The following OR10A3 variants were observed in gnomAD, a reference collection of about 807,000 sequenced individuals.
The protein encoded by OR10A3 is olfactory receptor 10A3.
A neutral mutation model predicts 1.5 loss-of-function variants in OR10A3; 1 was observed. The observed-to-expected ratio is 0.66, with a 90% CI of 0.23 to 3.11. The LOEUF is 3.11. Ranked by LOEUF, OR10A3 falls within the 30% of genes most tolerant of loss-of-function variation. OR10A3 has a pLI of 0.21. For synonymous variants in OR10A3, 145 were observed against 143.7 expected (o/e 1.01, Z -0.06); for missense variants, 398 against 369.7 (o/e 1.08, Z -0.63).
rs1244334380 is a variant in OR10A3 at position 7,938,956 on chromosome 11, A to G, written c.565T>C (p.Cys189Arg). 2 of 1,614,200 alleles carry G rather than the reference A, an allele frequency of 1.2e-6. No homozygotes were observed. The highest frequency in any genetic ancestry group is 1.7e-6 in the Non-Finnish European group (2 of 1,180,020). ...ATTTCAAATAAGAAGGTGTCTGCAC[A>G]CACAAGCTCTAGTACCGGGGGAGTC... ...CETPPVLELV[C>R]ADTFLFEIYA... is the part of the protein sequence containing the mutation. Residue 189 changes from cysteine to arginine, a missense_variant, in exon 2 of 2, where the codon TGT (cysteine) becomes CGT (arginine). By Grantham distance (180) the Cys-to-Arg change is radical. Transcript: ENST00000642047.
Position 7,939,314 on chromosome 11 carries a change from C to T in OR10A3, c.207G>A (p.Val69=). The change falls in exon 2 of 2, where the codon GTG becomes GTA. Residue 69 remains valine (V), a synonymous_variant. Transcript: ENST00000642047. The stretch of plus-strand genomic sequence containing the variant: ...TAATGACTGCACTGAAACTCACCTC[C>T]ACCACAGATAGGTTCAGGAGGAACA... ...MYLFLLNLSV[V]EVSFSAVITP... 6 of 1,614,068 alleles carry T rather than the reference C, an allele frequency of 3.7e-6. No individual in the cohort carries two copies. Among genetic ancestry groups the T allele is most frequent in the Non-Finnish European group, 4.2e-6 (5 of 1,179,968 alleles).
Position 7,939,589 on chromosome 11 carries a change from C to G in OR10A3, c.-69G>C. 1 of 1,229,108 alleles carries G rather than the reference C, an allele frequency of 8.1e-7. No individual in the cohort carries two copies. The highest frequency in any genetic ancestry group is 1.1e-6 in the Non-Finnish European group (1 of 890,424). The allele number at this position is 1,229,108 out of a possible 1,614,324, so 76.1% of individuals were successfully genotyped here. A position where few individuals can be genotyped will look rare whatever the true frequency, so the allele number is the denominator to read the frequency against. On this transcript the variant is annotated 5_prime_UTR_variant, in exon 2 of 2. Coordinates refer to ENST00000642047, the MANE Select transcript of OR10A3 (RefSeq NM_001003745.2). ...CGAGTATGAAGTCGTAATCCCATAG[C>G]TGTGAGTTCAAGTCTGGAATTCTTG...
intron 1 of OR10A3, 94 bp from the exon 2 acceptor site, chr11:7,939,792 T>C (rs1050793369): frequency 1.9e-5 from 7 of 377,412 alleles, no homozygotes; most frequent in Non-Finnish European, 1.9e-5. Flanking sequence ...GCAACATCTT[T>C]GTTTTGTAGG....
Position 7,939,541 on chromosome 11 carries a change from T to G in OR10A3, c.-21A>C. Reference sequence around the variant, plus strand: ...TTCATTTCAGTAGTTGAAACTTATATTGTTTTTATGGACCTGGTATATCGA... The same window carrying G: ...TTCATTTCAGTAGTTGAAACTTATAGTGTTTTTATGGACCTGGTATATCGA... On this transcript the variant is annotated 5_prime_UTR_variant, in exon 2 of 2. Transcript: ENST00000642047. 6.6e-7 allele frequency: 1 copy of G among 1,520,910 alleles called. No individual in the cohort carries two copies. The highest frequency in any genetic ancestry group is 1.3e-5 in the South Asian group (1 of 75,720). The allele number at this position is 1,520,910 out of a possible 1,614,324, so 94.2% of individuals were successfully genotyped here.
At position 7,937,612 on chromosome 11, in the gene OR10A3, C is replaced by T. The variant is rs1042814690; in HGVS notation, c.*964G>A. ...TCCCATGTAGCTCTCTGGTCACCAA[C>T]ATTGGATAAATATTTGGAAAGATAC... On this transcript the variant is annotated 3_prime_UTR_variant, in exon 2 of 2. Transcript: ENST00000642047. The T allele has an allele frequency of 3.9e-5, 6 of 152,150 alleles. No homozygotes were observed. Among genetic ancestry groups the T allele is most frequent in the African/African-American group, 1.2e-4 (5 of 41,430 alleles). The allele number at this position is 152,150 out of a possible 1,614,324, so 9.4% of individuals were successfully genotyped here. A position where few individuals can be genotyped will look rare whatever the true frequency, so the allele number is the denominator to read the frequency against.
Position 7,938,771 on chromosome 11 carries a change from C to T in OR10A3, c.750G>A (p.Leu250=), listed in dbSNP as rs1564870791. ...TCASHLTSVT[L]FYGTANMTYL... Reference sequence around the variant, plus strand: ...AAGTCATATTGGCTGTGCCATAGAACAGGGTCACAGATGTGAGGTGAGAGG... The same window carrying T: ...AAGTCATATTGGCTGTGCCATAGAATAGGGTCACAGATGTGAGGTGAGAGG... The change falls in exon 2 of 2, where the codon CTG becomes CTA. Residue 250 remains leucine, a synonymous_variant. Transcript: ENST00000642047. 1.9e-6 allele frequency: 3 copies of T among 1,614,180 alleles called. No homozygotes were observed. Among genetic ancestry groups the T allele is most frequent in the African/African-American group, 1.3e-5 (1 of 75,048 alleles).
In OR10A3 at chr11:7,938,859, A is replaced by G. The variant is rs1290749846; in HGVS notation, c.662T>C (p.Val221Ala). 11 of 1,614,094 alleles carry G rather than the reference A, an allele frequency of 6.8e-6. No individual in the cohort carries two copies. In the East Asian group the frequency reaches 1.3e-4, roughly 20 times the overall value. The change falls in exon 2 of 2, where the codon GTT becomes GCT. Residue 221 changes from valine to alanine, a missense_variant. Physicochemically the swap from Val to Ala is moderately conservative, Grantham distance 64. Coordinates refer to ENST00000642047, the MANE Select transcript of OR10A3 (RefSeq NM_001003745.2). The part of the protein sequence containing the change: ...FLLILLSYIR[V>A]LFAILKMPST... ...TGGCATCTTCAGGATGGCAAACAGA[A>G]CTCGAATGTAAGACAAGAGGATCAA... is the stretch of plus-strand genomic sequence containing the variant.
rs145750655 is a variant in OR10A3 at position 7,939,233 on chromosome 11, G to T, written c.288C>A (p.Gly96=). The change falls in exon 2 of 2, where the codon GGC becomes GGA. Residue 96 remains glycine (G), a synonymous_variant. Coordinates refer to ENST00000642047, the MANE Select transcript of OR10A3 (RefSeq NM_001003745.2). ...GGATGAAATACATCTGTGCAAAACA[G>T]CCCACAAAAGAAATCATAGTTTTCT... ...STEKTMISFV[G]CFAQMYFILL... 3.7e-6 allele frequency: 6 copies of T among 1,614,044 alleles called. No homozygotes were observed. The highest frequency in any genetic ancestry group is 1.1e-5 in the South Asian group (1 of 91,088).
rs560982551 is a variant in OR10A3 at position 7,939,667 on chromosome 11, T to C, written c.-147A>G. 2.2e-4 allele frequency: 124 copies of C among 554,970 alleles called. 1 individual carries two copies. Among genetic ancestry groups the C allele is most frequent in the African/African-American group, 1.8e-3 (98 of 53,328 alleles). The allele number at this position is 554,970 out of a possible 1,614,324, so 34.4% of individuals were successfully genotyped here. A position where few individuals can be genotyped will look rare whatever the true frequency, so the allele number is the denominator to read the frequency against. On this transcript the variant is annotated 5_prime_UTR_variant, in exon 2 of 2. Transcript: ENST00000642047. ...TGACAGAACTTCAGGTTGGCACTTT[T>C]GAAGAATGGCCAATGACTTGTAATA...
chr11:7,938,347 A>G lies in OR10A3; in HGVS notation c.*229T>C. 2.4e-6 allele frequency: 1 copy of G among 413,838 alleles called. No homozygotes were observed. The highest frequency in any genetic ancestry group is 4.0e-5 in the East Asian group (1 of 24,976). The allele number at this position is 413,838 out of a possible 1,614,324, so 25.6% of individuals were successfully genotyped here. A position where few individuals can be genotyped will look rare whatever the true frequency, so the allele number is the denominator to read the frequency against. On this transcript the variant is annotated 3_prime_UTR_variant, in exon 2 of 2. Coordinates refer to ENST00000642047, the MANE Select transcript of OR10A3 (RefSeq NM_001003745.2). ...TGACAGTAATCCAGTAGCTACTTGG[A>G]TGTTCATAATAGAGAAATGGATGAA...
Position 7,939,529 on chromosome 11 carries a change from T to C in OR10A3, c.-9A>G, listed in dbSNP as rs746315120. The C allele has an allele frequency of 1.4e-5, 21 of 1,541,438 alleles. No individual in the cohort carries two copies. In the South Asian group the frequency reaches 2.6e-4, roughly 19 times the overall value. ...TGATTTTGTCTTTTCATTTCAGTAG[T>C]TGAAACTTATATTGTTTTTATGGAC... On this transcript the variant is annotated 5_prime_UTR_variant, in exon 2 of 2. Coordinates refer to ENST00000642047, the MANE Select transcript of OR10A3 (RefSeq NM_001003745.2).
Position 7,939,624 on chromosome 11 carries a change from G to T in OR10A3, c.-104C>A. The T allele has an allele frequency of 2.4e-6, 2 of 828,534 alleles. No individual in the cohort carries two copies. The highest frequency in any genetic ancestry group is 3.6e-6 in the Non-Finnish European group (2 of 553,216). 51.3% of individuals were successfully genotyped at this position (828,534 alleles called of 1,614,324 possible). ...AAGTCTGGAATTCTTGACAGCAGAT[G>T]TAATGACAAGCTCATTTTGACAGAA... On this transcript the variant is annotated 5_prime_UTR_variant, in exon 2 of 2. Transcript: ENST00000642047.
intron 1 of OR10A3, among the ~76,000 whole-genome samples, chr11:7,940,446 C>G (rs1941427279): frequency 6.6e-6 from 1 of 152,080 alleles, no homozygotes; most frequent in African/African-American, 2.4e-5. Flanking sequence ...CCCGCTGACA[C>G]GCTCCACCTC....
In OR10A3 at chr11:7,939,145, T is replaced by C; in HGVS notation, c.376A>G (p.Ile126Val). 6.2e-7 allele frequency: 1 copy of C among 1,614,140 alleles called. No individual in the cohort carries two copies. Residue 126 changes from isoleucine to valine, a missense_variant, in exon 2 of 2, where the codon ATT (isoleucine) becomes GTT (valine). By Grantham distance (29) the Ile-to-Val change is conservative. Coordinates refer to ENST00000642047, the MANE Select transcript of OR10A3 (RefSeq NM_001003745.2). ...ACTGGGTAGTTCAGAGGATGGCAAA[T>C]TGCAGCAAATCGGTCATAAGCCATC... Reference protein sequence around the residue: ...GAMAYDRFAAICHPLNYPVIM... With the variant: ...GAMAYDRFAAVCHPLNYPVIM...
intron 1 of OR10A3, among the ~76,000 whole-genome samples, chr11:7,940,839 C>T (rs1027101372): frequency 6.6e-6 from 1 of 152,140 alleles, no homozygotes; most frequent in Non-Finnish European, 1.5e-5. Flanking sequence ...CACCTTAGTA[C>T]TAGCATGGAC....
At position 7,938,939 on chromosome 11, in the gene OR10A3, TAAG is replaced by T; in HGVS notation, c.579_581del (p.Phe193del). ...TGCCTGTGAAGGCATAGATTTCAAA[TAAG>T]AAGGTGTCTGCACACACAAGCTCTA... On this transcript the variant is annotated inframe_deletion, in exon 2 of 2. Transcript: ENST00000642047. The T allele has an allele frequency of 1.9e-6, 3 of 1,614,046 alleles. No homozygotes were observed. Among genetic ancestry groups the T allele is most frequent in the Admixed American group, 3.3e-5 (2 of 60,018 alleles).
Position 7,939,438 on chromosome 11 carries a change from A to C in OR10A3, c.83T>G (p.Phe28Cys), listed in dbSNP as rs749434414. The change falls in exon 2 of 2, where the codon TTT (phenylalanine) becomes TGT (cysteine). Residue 28 changes from phenylalanine (F) to cysteine (C), a missense_variant. Physicochemically the swap from Phe to Cys is radical, Grantham distance 205. Coordinates refer to ENST00000642047, the MANE Select transcript of OR10A3 (RefSeq NM_001003745.2). Reference protein sequence around the residue: ...SNFPELQVQLFGVFLVIYVVT... With the variant: ...SNFPELQVQLCGVFLVIYVVT... Reference sequence around the variant, plus strand: ...CACATAAATAACTAGGAAAACCCCAAAGAGCTGCACCTGGAGCTCAGGAAA... The same window carrying C: ...CACATAAATAACTAGGAAAACCCCACAGAGCTGCACCTGGAGCTCAGGAAA... 1 of 1,612,844 alleles carries C rather than the reference A, an allele frequency of 6.2e-7. No homozygotes were observed. The highest frequency in any genetic ancestry group is 1.3e-5 in the African/African-American group (1 of 74,816).
intron 1 of OR10A3, among the ~76,000 whole-genome samples, chr11:7,940,498 C>A (rs1478578375): frequency 6.6e-6 from 1 of 152,060 alleles, no homozygotes; most frequent in Non-Finnish European, 1.5e-5. Flanking sequence ...TACCTTTAAA[C>A]GGAAACCTAA....
In OR10A3 at chr11:7,939,581, TC is replaced by T; in HGVS notation, c.-62del. Reference sequence around the variant, plus strand: ...TGGTATATCGAGTATGAAGTCGTAATCCCATAGCTGTGAGTTCAAGTCTGGA... The same window carrying T: ...TGGTATATCGAGTATGAAGTCGTAATCCATAGCTGTGAGTTCAAGTCTGGA... On this transcript the variant is annotated 5_prime_UTR_variant, in exon 2 of 2. The change creates a premature stop within an existing upstream ORF in the 5' untranslated region. Transcript: ENST00000642047. 7.5e-7 allele frequency: 1 copy of T among 1,328,686 alleles called. No individual in the cohort carries two copies. The highest frequency in any genetic ancestry group is 1.0e-6 in the Non-Finnish European group (1 of 972,332). The allele number at this position is 1,328,686 out of a possible 1,614,324, so 82.3% of individuals were successfully genotyped here.
Sources: allele counts gnomAD v4.1 joint callset (sites outside exome capture counted in the v4.1 genomes callset), GRCh38; gene constraint gnomAD v4.1.1; transcripts MANE v1.5; gene names NCBI Gene and HGNC (gene_info 2026-07-23, HGNC 2026-07-21).